Variants in ZC3H7B observed in about 807,000 individuals in gnomAD.
ZC3H7B encodes the protein zinc finger CCCH-type containing 7B.
A neutral mutation model predicts 116.0 loss-of-function variants in ZC3H7B; 35 were observed. That is an observed-to-expected ratio of 0.30 (90% CI 0.23 to 0.40). The LOEUF is 0.40. Ranked by LOEUF, ZC3H7B falls within the 10% of genes least tolerant of loss-of-function variation. The pLI, the probability that ZC3H7B is intolerant of heterozygous loss-of-function variation, is 1.00. For missense variants in ZC3H7B, 1,011 were observed against 1,321.5 expected, an observed-to-expected ratio of 0.77 and a Z score of 3.64; for synonymous variants, 502 against 545.6, an observed-to-expected ratio of 0.92 and a Z score of 1.11.
chr22:41,306,373 C>CTTTT (rs150362292), intron 1 of ZC3H7B, among the ~76,000 whole-genome samples: 2 of 136,156 alleles, frequency 1.5e-5, no homozygotes, highest in South Asian at 2.4e-4. Context: ...TTATTTAATT[C>CTTTT]TTTTTTTTTT....
chr22:41,351,048 A>AG lies in ZC3H7B; in HGVS notation c.1949-512dup, dbSNP rs2036648195. On this transcript the variant is annotated intron_variant, in intron 16 of 22. Coordinates refer to ENST00000352645, the MANE Select transcript of ZC3H7B (RefSeq NM_017590.6). The surrounding 1 kb of genome is among the most constrained non-coding windows in gnomAD (Gnocchi z 5.1). The stretch of plus-strand genomic sequence containing the variant: ...TGAGGCTGGCGGGGAGACAGACTGG[A>AG]GAGTCCATGCCACCAGGCTGGGGTA... Among the ~76,000 whole-genome samples, 2 of 152,324 alleles carry AG rather than the reference A, an allele frequency of 1.3e-5. No individual in the cohort carries two copies. The highest frequency in any genetic ancestry group is 2.9e-5 in the Non-Finnish European group (2 of 68,024).
rs2036634289 is a variant in ZC3H7B at position 41,349,734 on chromosome 22, ACTCAC to A, written c.1948+435_1948+439del. 6.6e-6 allele frequency among the ~76,000 whole-genome samples: 1 copy of A among 151,994 alleles called. No homozygotes were observed. Among genetic ancestry groups the A allele is most frequent in the African/African-American group, 2.4e-5 (1 of 41,360 alleles). ...CTGCGGGGATTGGAAGGTGTTCTCC[ACTCAC>A]CCACCAGGGATTTACTGAGCACCTT... On this transcript the variant is annotated intron_variant, in intron 16 of 22. Coordinates refer to ENST00000352645, the MANE Select transcript of ZC3H7B (RefSeq NM_017590.6). The surrounding 1 kb of genome is among the most constrained non-coding windows in gnomAD (Gnocchi z 4.9).
rs903371521 is a variant in ZC3H7B at position 41,338,154 on chromosome 22, C to T, written c.583-159C>T. Among the ~76,000 whole-genome samples, 6 of 152,152 alleles carry T rather than the reference C, an allele frequency of 3.9e-5. No individual in the cohort carries two copies. The highest frequency in any genetic ancestry group is 1.4e-4 in the African/African-American group (6 of 41,432). On this transcript the variant is annotated intron_variant, in intron 7 of 22. Transcript: ENST00000352645. The surrounding 1 kb of genome is among the most constrained non-coding windows in gnomAD (Gnocchi z 4.5). ...AAGTGCTGGGATTATAGGCATAAGCCACCACGCCTGGCCGCATGTGAGGGC... is the reference window on the plus strand; with the variant it reads ...AAGTGCTGGGATTATAGGCATAAGCTACCACGCCTGGCCGCATGTGAGGGC...
At chr22:41,303,797 G>A (rs192599740) in intron 1 of ZC3H7B, among the ~76,000 whole-genome samples, 1 of 151,940 alleles carries the variant, frequency 6.6e-6, no homozygotes, top group Non-Finnish European at 1.5e-5. Context: ...TCGCTCTGTC[G>A]CCCAGGCTGG....
In ZC3H7B at chr22:41,357,385, C is replaced by G. The variant is rs1026256755; in HGVS notation, c.2890C>G (p.Pro964Ala). 6.2e-7 allele frequency: 1 copy of G among 1,613,168 alleles called. No homozygotes were observed. ...GGACGGGGACCTTGCCGGTGCCACCCCAGAAGCCCCTGCTGCTGCTGCCAC... is the reference window on the plus strand; with the variant it reads ...GGACGGGGACCTTGCCGGTGCCACCGCAGAAGCCCCTGCTGCTGCTGCCAC... ...QEDGDLAGAT[P>A]EAPAAAATAT... Residue 964 changes from proline to alanine, a missense_variant, in exon 23 of 23, where the codon CCA becomes GCA. By Grantham distance (27) the Pro-to-Ala change is conservative (BLOSUM62 -1). Coordinates refer to ENST00000352645, the MANE Select transcript of ZC3H7B (RefSeq NM_017590.6). This position sits in a 1 kb window ranked among gnomAD's most constrained non-coding sequence, Gnocchi z 5.4.
intron 1 of ZC3H7B, among the ~76,000 whole-genome samples, chr22:41,304,549 A>C (rs146816754): frequency 2.8e-3 from 431 of 152,352 alleles, no homozygotes; most frequent in Non-Finnish European, 5.1e-3. Flanking sequence ...TAGTGAACCA[A>C]TGAGAACACA....
chr22:41,356,641 C>G lies in ZC3H7B; in HGVS notation c.2518-4C>G, dbSNP rs115593507. The stretch of plus-strand genomic sequence containing the variant: ...GCAGGCACCCATGATGGCTGTGCTC[C>G]CAGATGGGCTACCACTGCTGGCTCT... On this transcript the variant is annotated splice_region_variant and splice_polypyrimidine_tract_variant and intron_variant, in intron 21 of 22. Coordinates refer to ENST00000352645, the MANE Select transcript of ZC3H7B (RefSeq NM_017590.6). The G allele has an allele frequency of 6.2e-7, 1 of 1,613,316 alleles. No individual in the cohort carries two copies. Among genetic ancestry groups the G allele is most frequent in the African/African-American group, 1.3e-5 (1 of 75,050 alleles).
intron 1 of ZC3H7B, among the ~76,000 whole-genome samples, chr22:41,308,709 C>T (rs917568706): frequency 6.6e-6 from 1 of 152,230 alleles, no homozygotes; most frequent in African/African-American, 2.4e-5. Context: ...TTTCCTGACA[C>T]ACGCAAAACA....
At chr22:41,331,158 A>T (rs2036377645) in intron 6 of ZC3H7B, among the ~76,000 whole-genome samples, 1 of 144,878 alleles carries the variant, frequency 6.9e-6, no homozygotes, top group Non-Finnish European at 1.5e-5. Flanking sequence ...CGCCCAGCTG[A>T]GAATCACTTG....
intron 17 of ZC3H7B, among the ~76,000 whole-genome samples, chr22:41,354,870 C>G (rs1200369312): frequency 6.6e-6 from 1 of 152,156 alleles, no homozygotes; most frequent in Non-Finnish European, 1.5e-5. Context: ...CAGGGCCACT[C>G]AGACGCCTGT....
intron 1 of ZC3H7B, among the ~76,000 whole-genome samples, chr22:41,311,142 G>T (rs2036114215): frequency 6.6e-6 from 1 of 151,440 alleles, no homozygotes; most frequent in Admixed American, 6.6e-5. Context: ...GTTTTGAGTG[G>T]GGGAGTGACA....
Position 41,327,282 on chromosome 22 carries a change from G to T in ZC3H7B, c.362G>T (p.Arg121Leu). Residue 121 changes from arginine to leucine, a missense_variant, in exon 5 of 23, where the codon CGC (arginine) becomes CTC (leucine). This residue lies in a region of ZC3H7B where 322 missense variants were observed against 443.9 expected (regional missense o/e 0.73). Coordinates refer to ENST00000352645, the MANE Select transcript of ZC3H7B (RefSeq NM_017590.6). This position sits in a 1 kb window ranked among gnomAD's most constrained non-coding sequence, Gnocchi z 4.5. ...LDSESIRALF[R>L]KARALNELGR... Reference sequence around the variant, plus strand: ...AGTGAGAGTATCCGGGCGTTGTTCCGCAAGGCACGCGCTCTCAATGAACTG... The same window carrying T: ...AGTGAGAGTATCCGGGCGTTGTTCCTCAAGGCACGCGCTCTCAATGAACTG... 1 of 1,613,980 alleles carries T rather than the reference G, an allele frequency of 6.2e-7. No individual in the cohort carries two copies. The highest frequency in any genetic ancestry group is 2.2e-5 in the East Asian group (1 of 44,892).
chr22:41,310,462 C>T (rs933762249), intron 1 of ZC3H7B, among the ~76,000 whole-genome samples: 1 of 152,088 alleles, frequency 6.6e-6, no homozygotes, highest in Non-Finnish European at 1.5e-5. Context: ...ATTGCATGGC[C>T]TAGCCTGCCT....
At chr22:41,340,318 C>A (rs568605031) in intron 10 of ZC3H7B, among the ~76,000 whole-genome samples, 181 bp downstream of exon 10, 4 of 151,840 alleles carry the variant, frequency 2.6e-5, no homozygotes, top group Non-Finnish European at 5.9e-5. Context: ...TGGGGCTGGG[C>A]CTGAGGGGTG....
Position 41,338,278 on chromosome 22 carries a change from C to A in ZC3H7B, c.583-35C>A. On this transcript the variant is annotated intron_variant, in intron 7 of 22. Coordinates refer to ENST00000352645, the MANE Select transcript of ZC3H7B (RefSeq NM_017590.6). The surrounding 1 kb of genome is among the most constrained non-coding windows in gnomAD (Gnocchi z 4.5). ...GCTGGGTGCTGGGATCGGGGCCTTC[C>A]CAGCCACAGCGCCACTGTGGCCCTC... The A allele has an allele frequency of 6.2e-7, 1 of 1,606,726 alleles. No homozygotes were observed.
intron 10 of ZC3H7B, 29 bp downstream of exon 10, chr22:41,340,166 T>A: frequency 6.4e-7 from 1 of 1,567,218 alleles, no homozygotes; most frequent in Non-Finnish European, 8.7e-7. Flanking sequence ...CCGTTCAACC[T>A]CCCTGGACAG....
At chr22:41,343,896 CTGTAGGGCCCTG>C (rs1235292717) in intron 13 of ZC3H7B, among the ~76,000 whole-genome samples, 1 of 152,134 alleles carries the variant, frequency 6.6e-6, no homozygotes, top group Non-Finnish European at 1.5e-5. Flanking sequence ...TCTCTTACCA[CTGTAGGGCCCTG>C]AGGGGCCGCG....
At chr22:41,323,707 GT>G (rs2036284791) in intron 2 of ZC3H7B, among the ~76,000 whole-genome samples, 1 of 152,222 alleles carries the variant, frequency 6.6e-6, no homozygotes, top group Non-Finnish European at 1.5e-5. Context: ...TGTGCTTCAT[GT>G]GCTTAGCACG....
chr22:41,349,779 T>C lies in ZC3H7B; in HGVS notation c.1948+478T>C, dbSNP rs1487207517. On this transcript the variant is annotated intron_variant, in intron 16 of 22. Transcript: ENST00000352645. The surrounding 1 kb of genome is among the most constrained non-coding windows in gnomAD (Gnocchi z 4.9). Reference sequence around the variant, plus strand: ...CTGAGCACCTTCTCTTGTCAGGGCATTCAGCCATGGTCTAGTCGAGGCCCT... The same window carrying C: ...CTGAGCACCTTCTCTTGTCAGGGCACTCAGCCATGGTCTAGTCGAGGCCCT... Among the ~76,000 whole-genome samples the C allele has an allele frequency of 1.3e-5, 2 of 152,214 alleles. No individual in the cohort carries two copies. Among genetic ancestry groups the C allele is most frequent in the African/African-American group, 4.8e-5 (2 of 41,444 alleles).
Sources: allele counts gnomAD v4.1 joint callset (sites outside exome capture counted in the v4.1 genomes callset), GRCh38; gene constraint gnomAD v4.1.1; regional missense constraint gnomAD v4.1.1; non-coding constraint Gnocchi (gnomAD v3.1); transcripts MANE v1.5; gene names NCBI Gene and HGNC (gene_info 2026-07-23, HGNC 2026-07-21).